TEX2: variants seen among roughly 807,000 people sequenced by gnomAD.
TEX2 encodes testis-expressed protein 2.
A neutral mutation model predicts 106.9 loss-of-function variants in TEX2; 53 were observed. The observed-to-expected ratio is 0.50, with a 90% CI of 0.40 to 0.62. TEX2 has a LOEUF of 0.62. Among genes scored for constraint, TEX2 ranks in the 20% least tolerant of loss-of-function variants. The probability of loss-of-function intolerance (pLI) is 0.00; values close to 1 mark genes in which losing one functional copy is unlikely to be tolerated. For synonymous variants in TEX2, 523 were observed against 534.8 expected (o/e 0.98, Z 0.30); for missense variants, 1,207 against 1,379.0 (o/e 0.88, Z 1.98).
chr17:64,214,321 A>C, intron 1 of TEX2, 79 bp from the exon 2 acceptor site: 2 of 1,222,346 alleles, frequency 1.6e-6, no homozygotes, highest in Non-Finnish European at 2.3e-6. Flanking sequence ...ATAGGAGCAC[A>C]GATGAAGCTG....
At chr17:64,244,059 G>A (rs1033716750) in intron 1 of TEX2, among the ~76,000 whole-genome samples, 1 of 151,990 alleles carries the variant, frequency 6.6e-6, no homozygotes, top group African/African-American at 2.4e-5. Flanking sequence ...CGCCCGCCTC[G>A]GTTTCCCAAA....
chr17:64,211,881 T>C (rs1460298839), intron 2 of TEX2, among the ~76,000 whole-genome samples: 1 of 152,214 alleles, frequency 6.6e-6, no homozygotes, highest in African/African-American at 2.4e-5. Flanking sequence ...ACACAGCGGC[T>C]CACACCTGTA....
chr17:64,149,132 C>T (rs771090330), intron 11 of TEX2, 41 bp from the exon 12 acceptor site: 4 of 1,604,286 alleles, frequency 2.5e-6, no homozygotes, highest in Non-Finnish European at 3.4e-6. Context: ...GGAAGAATGC[C>T]TTGCCAGGCT....
intron 4 of TEX2, among the ~76,000 whole-genome samples, chr17:64,188,623 T>C (rs903840140): frequency 2.6e-5 from 4 of 152,098 alleles, no homozygotes; most frequent in African/African-American, 9.7e-5. Flanking sequence ...GAGACCATCC[T>C]GGCTAACACA....
At chr17:64,235,807 C>A (rs1229021361) in intron 1 of TEX2, among the ~76,000 whole-genome samples, 3 of 152,126 alleles carry the variant, frequency 2.0e-5, no homozygotes, top group Non-Finnish European at 2.9e-5. Flanking sequence ...CATAAAAACT[C>A]CCAAATTCTG....
At chr17:64,163,464 A>T (rs1272726732) in intron 7 of TEX2, among the ~76,000 whole-genome samples, 1 of 152,214 alleles carries the variant, frequency 6.6e-6, no homozygotes, top group Non-Finnish European at 1.5e-5. Flanking sequence ...AACTTTTAAA[A>T]GCAGACATGA....
At chr17:64,262,823 T>A (rs1297998770) in intron 1 of TEX2, among the ~76,000 whole-genome samples, 1 of 152,128 alleles carries the variant, frequency 6.6e-6, no homozygotes, top group Non-Finnish European at 1.5e-5. Context: ...GCCCCATTCA[T>A]AAAATTGCAA....
intron 1 of TEX2, among the ~76,000 whole-genome samples, chr17:64,222,591 A>G (rs1397911860): frequency 6.6e-6 from 1 of 151,966 alleles, no homozygotes; most frequent in Non-Finnish European, 1.5e-5. Context: ...GTTTGAGACC[A>G]GCCTGGTCAA....
chr17:64,207,966 C>A, intron 2 of TEX2, among the ~76,000 whole-genome samples: 1 of 152,212 alleles, frequency 6.6e-6, no homozygotes, highest in Middle Eastern at 3.4e-3. Flanking sequence ...GATCTCCTGA[C>A]CTCGTGATCC....
At chr17:64,232,397 C>T (rs1165467710) in intron 1 of TEX2, among the ~76,000 whole-genome samples, 1 of 152,164 alleles carries the variant, frequency 6.6e-6, no homozygotes. Context: ...TACCAGTAAA[C>T]TGATTAATTC....
At chr17:64,235,572 G>A (rs937824960) in intron 1 of TEX2, among the ~76,000 whole-genome samples, 15 of 152,124 alleles carry the variant, frequency 9.9e-5, no homozygotes, top group Admixed American at 3.3e-4. Context: ...GCTATAAAGC[G>A]CTTTTGTCTA....
At chr17:64,223,352 T>C (rs1001142489) in intron 1 of TEX2, among the ~76,000 whole-genome samples, 1 of 139,394 alleles carries the variant, frequency 7.2e-6, no homozygotes, top group Admixed American at 8.4e-5. Flanking sequence ...CCTCACTGAA[T>C]CTGGCTTTTT....
At chr17:64,207,418 G>C (rs1379989718) in intron 2 of TEX2, among the ~76,000 whole-genome samples, 1 of 151,600 alleles carries the variant, frequency 6.6e-6, no homozygotes, top group East Asian at 1.9e-4. Context: ...AGGTATTATA[G>C]TCTTCCATAT....
chr17:64,188,927 T>C (rs1417130968), intron 4 of TEX2, among the ~76,000 whole-genome samples: 2 of 152,214 alleles, frequency 1.3e-5, no homozygotes, highest in African/African-American at 2.4e-5. Context: ...ATTAGAGTAA[T>C]GGAAGTAAAG....
At position 64,148,992 on chromosome 17, in the gene TEX2, C is replaced by G. The variant is rs763984447; in HGVS notation, c.3361G>C (p.Val1121Leu). 3 of 1,614,090 alleles carry G rather than the reference C, an allele frequency of 1.9e-6. No individual in the cohort carries two copies. Residue 1121 changes from valine (V) to leucine (L), a missense_variant, in exon 12 of 12, where the codon GTG (valine) becomes CTG (leucine). Physicochemically the swap from Val to Leu is conservative, Grantham distance 32. Around this residue, in one of 3 missense-constraint regions of TEX2, gnomAD observed 77 missense variants for 73.2 expected, o/e 1.05. Transcript: ENST00000584379. ...STSCLLKDPP[V>L]EAADQP ...CATCATGGCTGATCAGCAGCCTCCA[C>G]AGGTGGGTCTTTCAGGAGGCAGGAA...
chr17:64,156,223 G>C (rs1490940541), intron 8 of TEX2: 1 of 152,340 alleles, frequency 6.6e-6, no homozygotes. Context: ...CCCCAGCCCT[G>C]TGCACTGGGA....
intron 2 of TEX2, 115 bp downstream of exon 2, chr17:64,212,459 A>T: frequency 2.0e-6 from 2 of 995,486 alleles, no homozygotes; most frequent in Non-Finnish European, 3.0e-6. Flanking sequence ...CCAAGCTCTT[A>T]AAAAACACGG....
chr17:64,239,876 A>C (rs1360414576), intron 1 of TEX2, among the ~76,000 whole-genome samples: 3 of 24,148 alleles, frequency 1.2e-4, no homozygotes, highest in Non-Finnish European at 7.2e-5. Flanking sequence ...ACTCTGTCTC[A>C]AAAAAAAAAA....
chr17:64,148,701 G>A lies in TEX2; in HGVS notation c.*268C>T. The A allele has an allele frequency of 2.5e-6, 1 of 396,612 alleles. No individual in the cohort carries two copies. Among genetic ancestry groups the A allele is most frequent in the Non-Finnish European group, 4.5e-6 (1 of 220,170 alleles). The allele number at this position is 396,612 out of a possible 1,614,324, so 24.6% of individuals were successfully genotyped here. The stretch of plus-strand genomic sequence containing the variant: ...GTAGACTTTTAAAAGCCATGGTGTG[G>A]GTCACGTATAACTTCTGGATCCACC... On this transcript the variant is annotated 3_prime_UTR_variant, in exon 12 of 12. Coordinates refer to ENST00000584379, the MANE Select transcript of TEX2 (RefSeq NM_001288732.2).
Sources: gnomAD v4.1 joint callset for allele counts (sites outside exome capture counted in the v4.1 genomes callset) on GRCh38, gnomAD v4.1.1 for gene constraint, gnomAD v4.1.1 regional missense constraint, MANE v1.5 for transcripts, NCBI Gene and HGNC (gene_info 2026-07-23, HGNC 2026-07-21) for gene names.